GRM5: variants seen among roughly 807,000 people sequenced by gnomAD.
GRM5 encodes metabotropic glutamate receptor 5.
Under a neutral mutation model 83.1 loss-of-function variants are expected in GRM5, and 19 were observed. The observed-to-expected ratio is 0.23, with a 90% confidence interval of 0.16 to 0.34. The LOEUF (loss-of-function observed/expected upper bound fraction) is 0.34, where lower values mean the gene tolerates loss of function less well. Ranked by LOEUF, GRM5 falls within the 10% of genes least tolerant of loss-of-function variation. The pLI, the probability that GRM5 is intolerant of heterozygous loss-of-function variation, is 1.00. For missense variants in GRM5, 1,160 were observed against 1,588.3 expected, an observed-to-expected ratio of 0.73 and a Z score of 4.58; for synonymous variants, 675 against 633.6, an observed-to-expected ratio of 1.07 and a Z score of -0.98.
rs200715154 is a variant in GRM5 at position 88,689,761 on chromosome 11, A to ACTTC, written c.912-36362_912-36359dup. 2.4e-3 allele frequency among the ~76,000 whole-genome samples: 363 copies of ACTTC among 152,218 alleles called. 2 individuals are homozygous for ACTTC. The highest frequency in any genetic ancestry group is 7.4e-3 in the African/African-American group (306 of 41,538). On this transcript the variant is annotated intron_variant, in intron 3 of 9. Transcript: ENST00000305447. The stretch of plus-strand genomic sequence containing the variant: ...TGACGTCAGTTCATGACCTTCACTG[A>ACTTC]CTTCCTACCTGTGCACTGTTCTTGC...
At chr11:88,941,071 G>T (rs1235551205) in intron 2 of GRM5, among the ~76,000 whole-genome samples, 2 of 151,782 alleles carry the variant, frequency 1.3e-5, no homozygotes, top group African/African-American at 4.8e-5. Flanking sequence ...TCTAAACAAA[G>T]ATCTTTTATA....
chr11:88,902,162 T>TG (rs2135596403), intron 2 of GRM5, among the ~76,000 whole-genome samples: 1 of 152,130 alleles, frequency 6.6e-6, no homozygotes, highest in East Asian at 1.9e-4. Context: ...TTTGTTTTTT[T>TG]TTTGTTTGTT....
At chr11:88,721,448 C>T (rs1401375483) in intron 3 of GRM5, among the ~76,000 whole-genome samples, 1 of 152,094 alleles carries the variant, frequency 6.6e-6, no homozygotes, top group South Asian at 2.1e-4. Flanking sequence ...TTAGACCACT[C>T]TTCTTAATTT....
chr11:89,034,957 T>C (rs1941351656), intron 2 of GRM5, among the ~76,000 whole-genome samples: 1 of 151,262 alleles, frequency 6.6e-6, no homozygotes, highest in Admixed American at 6.6e-5. Context: ...TTAGCATATG[T>C]ATTTTAATAA....
intron 2 of GRM5, among the ~76,000 whole-genome samples, chr11:88,996,454 A>G (rs1940189837): frequency 6.6e-6 from 1 of 152,226 alleles, no homozygotes; most frequent in South Asian, 2.1e-4. Flanking sequence ...TCATTATACT[A>G]CAGAATGATA....
In GRM5 at chr11:88,555,434, C is replaced by A. The variant is rs1201180557; in HGVS notation, c.2630+11619G>T. ...TTAACAAATGCTGATTGTAATTATT[C>A]TTTTCACTGGGAGCCTCATTATATT... On this transcript the variant is annotated intron_variant, in intron 8 of 9. Coordinates refer to ENST00000305447, the MANE Select transcript of GRM5 (RefSeq NM_001143831.3). 3.3e-5 allele frequency among the ~76,000 whole-genome samples: 5 copies of A among 152,242 alleles called. No homozygotes were observed. The East Asian group carries it at 7.7e-4, about 24-fold the overall frequency.
intron 9 of GRM5, among the ~76,000 whole-genome samples, chr11:88,517,784 C>A (rs1941562168): frequency 6.6e-6 from 1 of 152,052 alleles, no homozygotes; most frequent in African/African-American, 2.4e-5. Context: ...ATTTTGATTT[C>A]CTTTTTCCTT....
intron 2 of GRM5, among the ~76,000 whole-genome samples, chr11:89,042,742 A>G (rs1011234994): frequency 1.3e-5 from 2 of 152,202 alleles, no homozygotes; most frequent in African/African-American, 4.8e-5. Context: ...TAGAAGTCAA[A>G]CAAGCATATA....
At chr11:88,610,530 G>T (rs1256414079) in intron 4 of GRM5, among the ~76,000 whole-genome samples, 1 of 152,024 alleles carries the variant, frequency 6.6e-6, no homozygotes, top group Non-Finnish European at 1.5e-5. Flanking sequence ...GGACATTATT[G>T]GTTTATAAAA....
chr11:88,673,252 A>T (rs1940237095), intron 3 of GRM5, among the ~76,000 whole-genome samples: 1 of 151,896 alleles, frequency 6.6e-6, no homozygotes, highest in Non-Finnish European at 1.5e-5. Context: ...AAAATAAGGA[A>T]CTGAAGTAAG....
At chr11:88,827,650 C>A (rs1943915367) in intron 3 of GRM5, among the ~76,000 whole-genome samples, 1 of 152,060 alleles carries the variant, frequency 6.6e-6, no homozygotes, top group African/African-American at 2.4e-5. Flanking sequence ...TCAGATGATT[C>A]CAGGATTCTA....
chr11:88,549,187 G>A (rs528624876), intron 8 of GRM5, among the ~76,000 whole-genome samples: 1 of 152,262 alleles, frequency 6.6e-6, no homozygotes, highest in Admixed American at 6.5e-5. Flanking sequence ...CAGGAGGCCT[G>A]GCACAGTTGC....
At chr11:88,885,450 G>GTTTTTTTTTTTTTTTTTTTT (rs61456975) in intron 2 of GRM5, among the ~76,000 whole-genome samples, 3 of 62,664 alleles carry the variant, frequency 4.8e-5, no homozygotes, top group African/African-American at 1.8e-4. Context: ...TAGGTACCAT[G>GTTTTTTTTTTTTTTTTTTTT]TTTTTTTTTT....
intron 3 of GRM5, among the ~76,000 whole-genome samples, chr11:88,691,260 G>A (rs1344539975): frequency 6.6e-6 from 1 of 152,086 alleles, no homozygotes; most frequent in Non-Finnish European, 1.5e-5. Context: ...TTGATCACTG[G>A]AGAAAGGGTC....
intron 3 of GRM5, among the ~76,000 whole-genome samples, chr11:88,682,805 G>T (rs905079774): frequency 6.6e-6 from 1 of 151,978 alleles, no homozygotes; most frequent in Non-Finnish European, 1.5e-5. Flanking sequence ...AAAGAAATAT[G>T]GACTTTTTCC....
chr11:88,904,034 T>C (rs1281345189), intron 2 of GRM5, among the ~76,000 whole-genome samples: 1 of 152,128 alleles, frequency 6.6e-6, no homozygotes, highest in Non-Finnish European at 1.5e-5. Flanking sequence ...GAGAATGAAA[T>C]AAATGATTAA....
chr11:88,569,435 T>C (rs1182784302), intron 7 of GRM5, among the ~76,000 whole-genome samples: 1 of 152,230 alleles, frequency 6.6e-6, no homozygotes, highest in East Asian at 1.9e-4. Context: ...TCATTTGGGA[T>C]GGTAAAGGCA....
chr11:88,950,167 C>T (rs1187157512), intron 2 of GRM5, among the ~76,000 whole-genome samples: 1 of 152,040 alleles, frequency 6.6e-6, no homozygotes, highest in Non-Finnish European at 1.5e-5. Context: ...AGCCACCACG[C>T]CCGGCCGAAT....
At chr11:88,632,976 T>C (rs1360021313) in intron 4 of GRM5, among the ~76,000 whole-genome samples, 1 of 152,238 alleles carries the variant, frequency 6.6e-6, no homozygotes, top group Non-Finnish European at 1.5e-5. Context: ...GCAATCCTTA[T>C]ATCTTCTTTG....
Sources: allele counts gnomAD v4.1 joint callset (sites outside exome capture counted in the v4.1 genomes callset), GRCh38; gene constraint gnomAD v4.1.1; transcripts MANE v1.5; gene names NCBI Gene and HGNC (gene_info 2026-07-23, HGNC 2026-07-21).